Variants in IQGAP3 observed in about 807,000 individuals in gnomAD.
The protein encoded by IQGAP3 is ras GTPase-activating-like protein IQGAP3.
IQGAP3 carries 165 observed loss-of-function variants against 208.2 expected under a neutral mutation model. That is an observed-to-expected ratio of 0.79 (90% CI 0.70 to 0.90). The LOEUF is 0.90. IQGAP3 is among the 40% of genes least tolerant of loss of function. IQGAP3 has a pLI of 0.00. For synonymous variants in IQGAP3, 703 were observed against 803.6 expected, an observed-to-expected ratio of 0.87 and a Z score of 2.12; for missense variants, 1,811 against 2,043.1, an observed-to-expected ratio of 0.89 and a Z score of 2.19.
chr1:156,527,035 A>C (rs58573451), intron 37 of IQGAP3, among the ~76,000 whole-genome samples: 2 of 150,928 alleles, frequency 1.3e-5, no homozygotes, highest in African/African-American at 4.9e-5. Context: ...GTTTCACTAT[A>C]TTGGCCAGGC....
intron 11 of IQGAP3, 112 bp from the exon 12 acceptor site, chr1:156,556,805 C>A: frequency 9.8e-7 from 1 of 1,022,016 alleles, no homozygotes. Flanking sequence ...GGCTTTCCAA[C>A]TGCTCTCAAA....
intron 7 of IQGAP3, 68 bp from the exon 8 acceptor site, chr1:156,563,380 C>A: frequency 6.7e-7 from 1 of 1,490,680 alleles, no homozygotes. Context: ...CAACCAGTAG[C>A]AGCCCACTCT....
chr1:156,526,939 T>C (rs907974059), intron 37 of IQGAP3, among the ~76,000 whole-genome samples: 1 of 152,002 alleles, frequency 6.6e-6, no homozygotes, highest in Non-Finnish European at 1.5e-5. Flanking sequence ...TTCAAGCGAT[T>C]TTCCTGCTTC....
In IQGAP3 at chr1:156,526,406, A is replaced by G; in HGVS notation, c.*80T>C. On this transcript the variant is annotated 3_prime_UTR_variant, in exon 38 of 38. Transcript: ENST00000361170. ...CCAGTCCTGAGCTCTAGGTGTCTGC[A>G]GGGAAGCACAGTGGTGAGTTAGTGT... is the stretch of plus-strand genomic sequence containing the variant. The G allele has an allele frequency of 4.3e-6, 4 of 927,808 alleles. No homozygotes were observed. The highest frequency in any genetic ancestry group is 7.1e-6 in the Non-Finnish European group (4 of 564,984). 57.5% of individuals were successfully genotyped at this position (927,808 alleles called of 1,614,324 possible).
chr1:156,551,568 G>T, intron 15 of IQGAP3, 137 bp downstream of exon 15: 2 of 892,724 alleles, frequency 2.2e-6, no homozygotes, highest in Non-Finnish European at 3.3e-6. Context: ...TTCTTTACCA[G>T]ATTGGAACAC....
chr1:156,528,585 G>A lies in IQGAP3; in HGVS notation c.4597C>T (p.Pro1533Ser). The A allele has an allele frequency of 3.1e-6, 5 of 1,613,728 alleles. No homozygotes were observed. The highest frequency in any genetic ancestry group is 1.7e-5 in the Admixed American group (1 of 59,986). Residue 1533 changes from proline to serine, a missense_variant, in exon 36 of 38, where the codon CCT (proline) becomes TCT (serine). Pro to Ser is a moderately conservative substitution (Grantham distance 74, BLOSUM62 -1). Transcript: ENST00000361170. ...TGAGCAGCAGTGTAATGAAGAGAAG[G>A]CTGCTTCTTCCCCTTCCCAGAACTC... is the stretch of plus-strand genomic sequence containing the variant. ...SKSSGKGKKQ[P>S]SLHYTAAQLL...
At chr1:156,558,371 T>G (rs1199156122) in intron 11 of IQGAP3, among the ~76,000 whole-genome samples, 68 of 26,826 alleles carry the variant, frequency 2.5e-3, no homozygotes, top group Non-Finnish European at 3.6e-3. Context: ...GGGAGGGTGG[T>G]GGGGGGGTCA....
At chr1:156,560,763 T>TC (rs780605849) in intron 11 of IQGAP3, among the ~76,000 whole-genome samples, 171 bp downstream of exon 11, 4 of 151,850 alleles carry the variant, frequency 2.6e-5, no homozygotes, top group African/African-American at 9.7e-5. Flanking sequence ...ATCTGTAGTG[T>TC]CCCCCCAGGC....
At chr1:156,552,173 T>C in intron 13 of IQGAP3, 78 bp from the exon 14 acceptor site, 1 of 1,540,402 alleles carries the variant, frequency 6.5e-7, no homozygotes, top group Non-Finnish European at 8.8e-7. Flanking sequence ...AGTTGAACGA[T>C]TTTCTTCACT....
chr1:156,570,876 T>C (rs11804884), intron 1 of IQGAP3, among the ~76,000 whole-genome samples: 9,305 of 152,226 alleles, frequency 0.061, 990 homozygotes, highest in African/African-American at 0.21. Flanking sequence ...TTATAGCCCA[T>C]GCATAAAATC....
chr1:156,535,131 T>C lies in IQGAP3; in HGVS notation c.3507+32A>G, dbSNP rs764126092. The C allele has an allele frequency of 3.4e-6, 5 of 1,473,242 alleles. No homozygotes were observed. In the African/African-American group the frequency reaches 5.6e-5, roughly 16 times the overall value. 91.3% of individuals were successfully genotyped at this position (1,473,242 alleles called of 1,614,324 possible). A position where few individuals can be genotyped will look rare whatever the true frequency, so the allele number is the denominator to read the frequency against. On this transcript the variant is annotated intron_variant, in intron 28 of 37. Transcript: ENST00000361170. ...AGGTACCAGCAAAGCAAAGGAGGGA[T>C]TGGGAGGTGGGGGTGGGGAGACAAC...
rs1394424706 is a variant in IQGAP3 at position 156,551,839 on chromosome 1, C to T, written c.1600G>A (p.Ala534Thr). 3.7e-6 allele frequency: 6 copies of T among 1,610,994 alleles called. No homozygotes were observed. Among genetic ancestry groups the T allele is most frequent in the Non-Finnish European group, 4.2e-6 (5 of 1,178,234 alleles). The change falls in exon 15 of 38, where the codon GCT becomes ACT. Residue 534 changes from alanine (A) to threonine (T), a missense_variant. Physicochemically the swap from Ala to Thr is moderately conservative, Grantham distance 58. Transcript: ENST00000361170. ...RVLAVSLINE[A>T]LDKGSPEKTL... ...TTCTCAGGGCTGCCTTTGTCCAGAG[C>T]CTCATTGATGAGGCTGACTGCAAGG...
chr1:156,540,360 G>C (rs1184921387), intron 23 of IQGAP3, among the ~76,000 whole-genome samples: 1 of 152,112 alleles, frequency 6.6e-6, no homozygotes, highest in Non-Finnish European at 1.5e-5. Context: ...GATTTAAACA[G>C]CTTTCATATC....
rs1005409504 is a variant in IQGAP3 at position 156,544,243 on chromosome 1, G to A, written c.2389-20C>T. ...CTGGATCTGGGAGAAGAAACACACT[G>A]CCTCAGCTCCAGCTTGGGGCCCACC... On this transcript the variant is annotated intron_variant, in intron 20 of 37. Coordinates refer to ENST00000361170, the MANE Select transcript of IQGAP3 (RefSeq NM_178229.5). 1.9e-6 allele frequency: 3 copies of A among 1,613,654 alleles called. No homozygotes were observed. In the African/African-American group the frequency reaches 4.0e-5, roughly 22 times the overall value.
intron 10 of IQGAP3, 147 bp downstream of exon 10, chr1:156,561,691 A>G (rs745966716): frequency 2.9e-4 from 231 of 783,576 alleles, no homozygotes; most frequent in Middle Eastern, 7.5e-4. Flanking sequence ...AATCTGGTCT[A>G]CTAGGCCTTG....
At chr1:156,543,002 G>A (rs769775368) in intron 22 of IQGAP3, among the ~76,000 whole-genome samples, 1 of 151,938 alleles carries the variant, frequency 6.6e-6, no homozygotes, top group Non-Finnish European at 1.5e-5. Flanking sequence ...ACTTGCCAAG[G>A]GCCACACAGC....
At chr1:156,537,547 T>C (rs1452547938) in intron 26 of IQGAP3, among the ~76,000 whole-genome samples, 3 of 152,216 alleles carry the variant, frequency 2.0e-5, no homozygotes, top group East Asian at 1.9e-4. Flanking sequence ...TGGAAGAATG[T>C]AGGAAGGAAC....
At chr1:156,534,809 T>C (rs1018255198) in intron 28 of IQGAP3, 76 bp from the exon 29 acceptor site, 1 of 1,184,906 alleles carries the variant, frequency 8.4e-7, no homozygotes, top group East Asian at 2.7e-5. Flanking sequence ...CTCAGCTTGC[T>C]TGGCTGGAAG....
At chr1:156,546,733 G>C (rs1285575815) in intron 19 of IQGAP3, among the ~76,000 whole-genome samples, 1 of 152,194 alleles carries the variant, frequency 6.6e-6, no homozygotes, top group East Asian at 1.9e-4. Context: ...ATATGACCCA[G>C]AAGTGGTAGG....
Sources: allele counts gnomAD v4.1 joint callset (sites outside exome capture counted in the v4.1 genomes callset), GRCh38; gene constraint gnomAD v4.1.1; transcripts MANE v1.5; gene names NCBI Gene and HGNC (gene_info 2026-07-23, HGNC 2026-07-21).